The following GALNTL6 variants were observed in gnomAD, a reference collection of about 807,000 sequenced individuals.
GALNTL6 encodes the protein polypeptide N-acetylgalactosaminyltransferase like 6.
In GALNTL6, 46 loss-of-function variants were observed where a neutral mutation model predicts 73.7. That is an observed-to-expected ratio of 0.62 (90% CI 0.49 to 0.80). The LOEUF (loss-of-function observed/expected upper bound fraction) is 0.80. GALNTL6 is among the 30% of genes least tolerant of loss of function. The pLI is 0.00. For synonymous variants in GALNTL6, 259 were observed against 263.7 expected, an observed-to-expected ratio of 0.98 and a Z score of 0.17; for missense variants, 604 against 755.0, an observed-to-expected ratio of 0.80 and a Z score of 2.34.
intron 5 of GALNTL6, among the ~76,000 whole-genome samples, chr4:172,569,087 TG>T (rs747675277): frequency 9.5e-4 from 144 of 152,282 alleles, no homozygotes; most frequent in Non-Finnish European, 2.8e-4. Context: ...TGCTATTCAT[TG>T]GGCCCTGGCA....
At chr4:172,932,943 T>G (rs925420794) in intron 9 of GALNTL6, among the ~76,000 whole-genome samples, 1 of 152,168 alleles carries the variant, frequency 6.6e-6, no homozygotes, top group Non-Finnish European at 1.5e-5. Context: ...TTTAATTAGA[T>G]GCTAAAACAT....
chr4:172,371,851 C>G (rs1742825820), intron 5 of GALNTL6, among the ~76,000 whole-genome samples: 1 of 152,190 alleles, frequency 6.6e-6, no homozygotes, highest in African/African-American at 2.4e-5. Flanking sequence ...AGACTGCCAC[C>G]ACCTTGGGTT....
chr4:172,662,642 T>C (rs1731437132), intron 5 of GALNTL6, among the ~76,000 whole-genome samples: 1 of 152,192 alleles, frequency 6.6e-6, no homozygotes, highest in African/African-American at 2.4e-5. Flanking sequence ...GTATACTCTA[T>C]CATCAATGGA....
At chr4:172,198,311 C>A (rs1735844507) in intron 2 of GALNTL6, among the ~76,000 whole-genome samples, 3 of 151,368 alleles carry the variant, frequency 2.0e-5, no homozygotes, top group Admixed American at 2.0e-4. Flanking sequence ...ATCCTATCAT[C>A]AGCGCAAACA....
rs529701766 is a variant in GALNTL6, at chr4:172,755,361, CTCAA to C, written c.554-53995_554-53992del. ...AAAAAAATTCACTTGCCGAATACCA[CTCAA>C]TCAAAGTTTTTTGAGAAGTAAAATA... On this transcript the variant is annotated intron_variant, in intron 5 of 12. Coordinates refer to ENST00000506823, the MANE Select transcript of GALNTL6 (RefSeq NM_001034845.3). Among the ~76,000 whole-genome samples the C allele has an allele frequency of 8.0e-4, 120 of 150,680 alleles. 1 individual carries two copies. The highest frequency in any genetic ancestry group is 2.7e-3 in the African/African-American group (111 of 41,130).
At chr4:172,145,007 G>T (rs1733892755) in intron 2 of GALNTL6, among the ~76,000 whole-genome samples, 1 of 152,054 alleles carries the variant, frequency 6.6e-6, no homozygotes, top group South Asian at 2.1e-4. Context: ...ACCCAGGCTG[G>T]AGTACACTGG....
At position 172,073,304 on chromosome 4, in the gene GALNTL6, C is replaced by A. The variant is rs1170695718; in HGVS notation, c.139-156352C>A. Among the ~76,000 whole-genome samples the A allele has an allele frequency of 3.9e-5, 6 of 152,226 alleles. No homozygotes were observed. In the East Asian group the frequency reaches 1.2e-3, roughly 29 times the overall value. ...TCCCCTATGTATAAGCTCCTTGAAG[C>A]CATTAAACCATTTTTCTGATTCACT... is the stretch of plus-strand genomic sequence containing the variant. On this transcript the variant is annotated intron_variant, in intron 2 of 12. Coordinates refer to ENST00000506823, the MANE Select transcript of GALNTL6 (RefSeq NM_001034845.3).
At chr4:171,823,035 G>T (rs1411842412) in intron 2 of GALNTL6, among the ~76,000 whole-genome samples, 1 of 152,104 alleles carries the variant, frequency 6.6e-6, no homozygotes, top group Non-Finnish European at 1.5e-5. Context: ...GAGTCCATGA[G>T]CTCTGGATTT....
chr4:172,082,244 G>T (rs1316558517), intron 2 of GALNTL6, among the ~76,000 whole-genome samples: 1 of 152,160 alleles, frequency 6.6e-6, no homozygotes, highest in Non-Finnish European at 1.5e-5. Flanking sequence ...TGAAAGGAAA[G>T]TAACTTGGAG....
chr4:172,272,120 T>G (rs994737519), intron 3 of GALNTL6, among the ~76,000 whole-genome samples: 4 of 151,886 alleles, frequency 2.6e-5, no homozygotes, highest in African/African-American at 9.7e-5. Flanking sequence ...GCCCAGATAA[T>G]TTTTTTGTAT....
At chr4:172,061,684 C>T (rs1731204449) in intron 2 of GALNTL6, among the ~76,000 whole-genome samples, 1 of 151,846 alleles carries the variant, frequency 6.6e-6, no homozygotes. Context: ...CTGTTACCTA[C>T]CCATTGTATA....
intron 4 of GALNTL6, among the ~76,000 whole-genome samples, chr4:172,312,531 C>T (rs537047786): frequency 3.9e-5 from 6 of 152,104 alleles, no homozygotes; most frequent in South Asian, 2.1e-4. Flanking sequence ...ATCTATCTAA[C>T]TGTACTAATA....
chr4:172,949,432 T>C (rs1183428116), intron 9 of GALNTL6, among the ~76,000 whole-genome samples: 1 of 152,206 alleles, frequency 6.6e-6, no homozygotes, highest in Non-Finnish European at 1.5e-5. Flanking sequence ...TTCTGCTTTT[T>C]GCTATTCCCC....
rs181464233 is a variant in GALNTL6, at chr4:172,040,350, T to C, written c.139-189306T>C. On this transcript the variant is annotated intron_variant, in intron 2 of 12. Coordinates refer to ENST00000506823, the MANE Select transcript of GALNTL6 (RefSeq NM_001034845.3). ...TTTGTTCTTATTTTTTTCTCAGTTT[T>C]ACTCTTTTGTAATATGCAAAGAACT... Among the ~76,000 whole-genome samples, 405 of 152,260 alleles carry C rather than the reference T, an allele frequency of 2.7e-3. 3 individuals carry two copies. Among genetic ancestry groups the C allele is most frequent in the African/African-American group, 9.1e-3 (377 of 41,592 alleles).
intron 7 of GALNTL6, among the ~76,000 whole-genome samples, chr4:172,831,157 CAAAAAAAAAAAAAAAAAAAAA>C (rs60870698): frequency 3.1e-5 from 2 of 63,882 alleles, no homozygotes; most frequent in Non-Finnish European, 5.6e-5. Context: ...GACTCCCTCT[CAAAAAAAAAAAAAAAAAAAAA>C]AAAAAAAAAA....
intron 4 of GALNTL6, among the ~76,000 whole-genome samples, chr4:172,347,951 T>A (rs1741807807): frequency 6.6e-6 from 1 of 152,176 alleles, no homozygotes; most frequent in Non-Finnish European, 1.5e-5. Flanking sequence ...ACATCTTGAT[T>A]TGGATCTTAA....
chr4:172,275,235 G>A (rs967273050), intron 3 of GALNTL6, among the ~76,000 whole-genome samples: 2 of 152,160 alleles, frequency 1.3e-5, no homozygotes, highest in Non-Finnish European at 1.5e-5. Context: ...TGTTTGACAA[G>A]TATATCAAAT....
intron 2 of GALNTL6, among the ~76,000 whole-genome samples, chr4:171,933,258 A>G (rs1402425014): frequency 6.6e-6 from 1 of 152,166 alleles, no homozygotes; most frequent in African/African-American, 2.4e-5. Context: ...TAATACGGTA[A>G]TTTGAGCTCA....
chr4:172,694,228 C>G (rs1733524816), intron 5 of GALNTL6, among the ~76,000 whole-genome samples: 1 of 151,812 alleles, frequency 6.6e-6, no homozygotes, highest in Non-Finnish European at 1.5e-5. Flanking sequence ...CTGCACCCAT[C>G]AACCCATCAT....
Sources: gnomAD v4.1 joint callset for allele counts (sites outside exome capture counted in the v4.1 genomes callset) on GRCh38, gnomAD v4.1.1 for gene constraint, MANE v1.5 for transcripts, NCBI Gene and HGNC (gene_info 2026-07-23, HGNC 2026-07-21) for gene names.